WASF2: variants seen among roughly 807,000 people sequenced by gnomAD.
WASF2 encodes the protein actin-binding protein WASF2.
WASF2 carries 14 observed loss-of-function variants against 45.0 expected under a neutral mutation model. That is an observed-to-expected ratio of 0.31 (90% CI 0.21 to 0.49). The LOEUF is 0.49. WASF2 is among the 20% of genes least tolerant of loss of function. The pLI is 0.99. For synonymous variants in WASF2, 200 were observed against 236.3 expected (o/e 0.85, Z 1.41); for missense variants, 439 against 636.1 (o/e 0.69, Z 3.33).
intron 1 of WASF2, among the ~76,000 whole-genome samples, chr1:27,467,622 A>G (rs1487794860): frequency 6.6e-6 from 1 of 150,538 alleles, no homozygotes; most frequent in African/African-American, 2.4e-5. Flanking sequence ...TATTATTAAA[A>G]TGAATTTCCG....
chr1:27,446,641 C>T (rs1290500990), intron 1 of WASF2, among the ~76,000 whole-genome samples: 1 of 151,946 alleles, frequency 6.6e-6, no homozygotes, highest in Non-Finnish European at 1.5e-5. Context: ...ATTAGCCAGG[C>T]GTGGTGGTGC....
intron 1 of WASF2, among the ~76,000 whole-genome samples, chr1:27,432,591 T>C (rs2017080609): frequency 8.2e-6 from 1 of 121,756 alleles, no homozygotes; most frequent in East Asian, 2.5e-4. Context: ...GAGCTTGCAG[T>C]GAGCCAAGAT....
intron 1 of WASF2, among the ~76,000 whole-genome samples, chr1:27,487,651 T>TTATATAAAATA (rs2017960474): frequency 1.0e-5 from 1 of 96,766 alleles, no homozygotes; most frequent in Non-Finnish European, 1.9e-5. Context: ...ATATTATATA[T>TTATATAAAATA]TATATAATAT....
At chr1:27,438,006 G>T (rs944702812) in intron 1 of WASF2, among the ~76,000 whole-genome samples, 1 of 152,064 alleles carries the variant, frequency 6.6e-6, no homozygotes. Context: ...ATATTTAAAC[G>T]ATTCTTTTTA....
Position 27,409,374 on chromosome 1 carries a change from G to A in WASF2, c.1339+318C>T, listed in dbSNP as rs1284660229. ...CGGGAGGCAGAGCTTGCAGTGAGCCGAGATCGAGCCACTGCACTCCAGCCT... is the reference window on the plus strand; with the variant it reads ...CGGGAGGCAGAGCTTGCAGTGAGCCAAGATCGAGCCACTGCACTCCAGCCT... On this transcript the variant is annotated intron_variant, in intron 8 of 8. Coordinates refer to ENST00000618852, the MANE Select transcript of WASF2 (RefSeq NM_006990.5). 1.2e-4 allele frequency among the ~76,000 whole-genome samples: 16 copies of A among 128,980 alleles called. 1 individual carries two copies. The highest frequency in any genetic ancestry group is 9.8e-4 in the South Asian group (4 of 4,090). 84.6% of individuals were successfully genotyped at this position (128,980 alleles called of 152,430 possible).
chr1:27,488,559 C>CCAGG (rs1262580906), intron 1 of WASF2, among the ~76,000 whole-genome samples: 1 of 152,162 alleles, frequency 6.6e-6, no homozygotes, highest in Non-Finnish European at 1.5e-5. Context: ...GGCAACCCTA[C>CCAGG]CAGGATTCAA....
intron 1 of WASF2, among the ~76,000 whole-genome samples, chr1:27,463,706 T>C (rs981166386): frequency 6.6e-6 from 1 of 151,230 alleles, no homozygotes; most frequent in Admixed American, 6.6e-5. Flanking sequence ...TAGTAAAATG[T>C]CTGCAAAGTT....
intron 1 of WASF2, among the ~76,000 whole-genome samples, chr1:27,461,883 A>T (rs1355922279): frequency 6.6e-6 from 1 of 151,964 alleles, no homozygotes; most frequent in Non-Finnish European, 1.5e-5. Flanking sequence ...GGCAGTCTCA[A>T]ACTCTTGGGA....
At chr1:27,477,904 AAAAAAATAAATAAAT>A (rs1462788857) in intron 1 of WASF2, among the ~76,000 whole-genome samples, 5 of 146,598 alleles carry the variant, frequency 3.4e-5, no homozygotes, top group African/African-American at 1.0e-4. Flanking sequence ...GTCTCAAAAA[AAAAAAATAAATAAAT>A]AAAAAAAAAA....
chr1:27,482,040 G>A (rs2017858757), intron 1 of WASF2, among the ~76,000 whole-genome samples: 1 of 152,122 alleles, frequency 6.6e-6, no homozygotes, highest in Admixed American at 6.6e-5. Flanking sequence ...GTTAAGAAGT[G>A]TGTTTCATTT....
chr1:27,470,266 A>G (rs1285180586), intron 1 of WASF2, among the ~76,000 whole-genome samples: 1 of 152,234 alleles, frequency 6.6e-6, no homozygotes, highest in East Asian at 1.9e-4. Context: ...GTCAATAAGC[A>G]TTGGGAGTCA....
intron 1 of WASF2, among the ~76,000 whole-genome samples, chr1:27,435,700 C>T (rs2017127782): frequency 6.6e-6 from 1 of 152,102 alleles, no homozygotes; most frequent in Non-Finnish European, 1.5e-5. Flanking sequence ...GGAGGGATAT[C>T]TGTGAGAGAA....
chr1:27,478,458 C>T (rs1224067438), intron 1 of WASF2, among the ~76,000 whole-genome samples: 3 of 152,024 alleles, frequency 2.0e-5, no homozygotes, highest in Admixed American at 1.3e-4. Context: ...CTATATGATT[C>T]AAGAATAGGT....
rs1195631650 is a variant in WASF2 at position 27,418,255 on chromosome 1, T to G, written c.419+14A>C. 6.2e-7 allele frequency: 1 copy of G among 1,607,456 alleles called. No homozygotes were observed. The highest frequency in any genetic ancestry group is 2.2e-5 in the East Asian group (1 of 44,652). ...ACCATAGGTTGAAAAAGGGAGGAAC[T>G]AGCCAGCCATTACCTGTAAGGGGTA... On this transcript the variant is annotated intron_variant, in intron 4 of 8. Transcript: ENST00000618852.
At chr1:27,466,606 T>C (rs1013997786) in intron 1 of WASF2, among the ~76,000 whole-genome samples, 2 of 152,198 alleles carry the variant, frequency 1.3e-5, no homozygotes, top group Non-Finnish European at 2.9e-5. Context: ...CAGTGGTGCA[T>C]ACCTGAAATT....
intron 1 of WASF2, among the ~76,000 whole-genome samples, chr1:27,482,960 G>A (rs569905108): frequency 6.6e-6 from 1 of 152,160 alleles, no homozygotes; most frequent in Non-Finnish European, 1.5e-5. Context: ...GGGTGCTATT[G>A]GCAACCAGGG....
At chr1:27,477,343 C>T (rs974142944) in intron 1 of WASF2, among the ~76,000 whole-genome samples, 30 of 151,222 alleles carry the variant, frequency 2.0e-4, no homozygotes, top group African/African-American at 7.0e-4. Flanking sequence ...AGTCCAACAC[C>T]AGCCTGGCCA....
intron 1 of WASF2, among the ~76,000 whole-genome samples, chr1:27,480,286 T>C (rs774071132): frequency 6.6e-6 from 1 of 150,750 alleles, no homozygotes. Context: ...GGAGGCCGAA[T>C]TGGGCAGATC....
At position 27,406,708 on chromosome 1, in the gene WASF2, A is replaced by AAGGGAGGG. The variant is rs935594100; in HGVS notation, c.*1473_*1480dup. 4 of 150,628 alleles carry AAGGGAGGG rather than the reference A, an allele frequency of 2.7e-5. No individual in the cohort carries two copies. The highest frequency in any genetic ancestry group is 6.6e-5 in the Admixed American group (1 of 15,146). 9.3% of individuals were successfully genotyped at this position (150,628 alleles called of 1,614,324 possible). On this transcript the variant is annotated 3_prime_UTR_variant, in exon 9 of 9. Transcript: ENST00000618852. ...GTGTATTAGCTCTGGGAAAAGCGGG[A>AAGGGAGGG]AGGGAGGGAGGGAGGGAGCGAGCTT...
Sources: gnomAD v4.1 joint callset for allele counts (sites outside exome capture counted in the v4.1 genomes callset) on GRCh38, gnomAD v4.1.1 for gene constraint, MANE v1.5 for transcripts, NCBI Gene and HGNC (gene_info 2026-07-23, HGNC 2026-07-21) for gene names.